The following CSMD1 variants were observed in gnomAD, a reference collection of about 807,000 sequenced individuals.
CSMD1 encodes CUB and Sushi multiple domains 1, also known as CUB and sushi domain-containing protein 1.
CSMD1 carries 213 observed loss-of-function variants against 417.5 expected under a neutral mutation model. The observed-to-expected ratio is 0.51, with a 90% confidence interval of 0.46 to 0.57. The LOEUF is 0.57. Ranked by LOEUF, CSMD1 falls within the 20% of genes least tolerant of loss-of-function variation. CSMD1 has a pLI of 0.00. For missense variants in CSMD1, 6,923 were observed against 4,529.7 expected (o/e 1.53, Z -15.17); for synonymous variants, 2,862 against 1,736.8 (o/e 1.65, Z -16.11).
chr8:4,707,505 T>C (rs1038992331), intron 1 of CSMD1, among the ~76,000 whole-genome samples: 21 of 152,102 alleles, frequency 1.4e-4, no homozygotes, highest in African/African-American at 5.1e-4. Flanking sequence ...GAAATCAGCG[T>C]AGGAGTCCGT....
At chr8:3,365,827 G>T (rs761233253) in intron 20 of CSMD1, among the ~76,000 whole-genome samples, 2 of 152,174 alleles carry the variant, frequency 1.3e-5, no homozygotes, top group East Asian at 3.9e-4. Flanking sequence ...ATAATACAAG[G>T]ATTAGGGGTG....
intron 25 of CSMD1, among the ~76,000 whole-genome samples, chr8:3,303,365 C>T (rs752739748): frequency 1.8e-4 from 28 of 152,238 alleles, no homozygotes; most frequent in Non-Finnish European, 3.5e-4. Flanking sequence ...AAAGCTGATG[C>T]CACTAGAAAG....
chr8:3,773,907 G>A (rs1334349894), intron 5 of CSMD1, among the ~76,000 whole-genome samples: 1 of 152,084 alleles, frequency 6.6e-6, no homozygotes, highest in Non-Finnish European at 1.5e-5. Flanking sequence ...AACAAACTGG[G>A]GACCTGTGAG....
At chr8:3,776,746 T>A (rs955158284) in intron 5 of CSMD1, among the ~76,000 whole-genome samples, 17 of 147,444 alleles carry the variant, frequency 1.2e-4, no homozygotes, top group African/African-American at 4.4e-4. Flanking sequence ...CAGATAAAGA[T>A]AGGCAGAAAA....
chr8:2,965,862 G>T lies in CSMD1; in HGVS notation c.9193C>A (p.Pro3065Thr), dbSNP rs1443588864. ...GTGACTGCTTCCATGACATAGCCTG[G>T]GTTACACTGATAGCTCACAGTCTTG... is the stretch of plus-strand genomic sequence containing the variant. ...FNKTVSYQCN[P>T]GYVMEAVTSA... Residue 3065 changes from proline to threonine, a missense_variant, in exon 59 of 70, where the codon CCA (proline) becomes ACA (threonine). Transcript: ENST00000635120. The T allele has an allele frequency of 6.2e-7, 1 of 1,609,880 alleles. No homozygotes were observed. The highest frequency in any genetic ancestry group is 1.3e-5 in the African/African-American group (1 of 74,956).
intron 1 of CSMD1, among the ~76,000 whole-genome samples, chr8:4,979,705 G>A (rs543944174): frequency 2.0e-3 from 298 of 152,300 alleles, no homozygotes; most frequent in Non-Finnish European, 2.5e-3. Flanking sequence ...ATATTCTGTA[G>A]TGACAAATAT....
At chr8:3,434,095 C>A (rs1477165137) in intron 12 of CSMD1, among the ~76,000 whole-genome samples, 1 of 152,212 alleles carries the variant, frequency 6.6e-6, no homozygotes, top group African/African-American at 2.4e-5. Flanking sequence ...GCATCTGATG[C>A]TTTCCAGAGT....
At chr8:4,317,978 G>A (rs968274407) in intron 3 of CSMD1, among the ~76,000 whole-genome samples, 1 of 152,108 alleles carries the variant, frequency 6.6e-6, no homozygotes, top group South Asian at 2.1e-4. Context: ...TTTTATAATA[G>A]TTATTGAATA....
intron 1 of CSMD1, among the ~76,000 whole-genome samples, chr8:4,674,809 A>C (rs550361606): frequency 4.3e-4 from 65 of 152,230 alleles, no homozygotes; most frequent in African/African-American, 1.5e-3. Context: ...TCATGTGTTA[A>C]AGTGCTAAGC....
intron 2 of CSMD1, among the ~76,000 whole-genome samples, chr8:4,576,909 T>A (rs957332108): frequency 2.0e-5 from 3 of 152,330 alleles, no homozygotes; most frequent in East Asian, 1.9e-4. Flanking sequence ...CAGGAATTAA[T>A]AGAATGATTA....
chr8:3,542,620 G>T (rs1798487711), intron 10 of CSMD1, among the ~76,000 whole-genome samples: 1 of 152,160 alleles, frequency 6.6e-6, no homozygotes, highest in East Asian at 1.9e-4. Flanking sequence ...ATTCTATGCT[G>T]TATGGAGATA....
In CSMD1 at chr8:3,230,113, T is replaced by G. The variant is rs754803884; in HGVS notation, c.4272A>C (p.Gln1424His). The G allele has an allele frequency of 1.2e-6, 2 of 1,613,846 alleles. No individual in the cohort carries two copies. Among genetic ancestry groups the G allele is most frequent in the Non-Finnish European group, 1.7e-6 (2 of 1,179,802 alleles). ...GCACACAGGTGATTTTGGCTTGTCC[T>G]TGGAGCTGATAGCCAGGGTCACACT... is the stretch of plus-strand genomic sequence containing the variant. ...TFQCDPGYQL[Q>H]GQAKITCVQL... Residue 1424 changes from glutamine to histidine, a missense_variant, in exon 27 of 70, where the codon CAA becomes CAC. By Grantham distance (24) the Gln-to-His change is conservative. Transcript: ENST00000635120.
intron 1 of CSMD1, among the ~76,000 whole-genome samples, chr8:4,657,442 C>T (rs530731920): frequency 1.5e-4 from 23 of 152,186 alleles, no homozygotes; most frequent in East Asian, 1.9e-4. Context: ...TTCTCACTCA[C>T]GCACTCTTGG....
intron 3 of CSMD1, among the ~76,000 whole-genome samples, chr8:4,365,701 G>A (rs1253511309): frequency 6.6e-6 from 1 of 152,170 alleles, no homozygotes; most frequent in Non-Finnish European, 1.5e-5. Context: ...GATCCAGCCT[G>A]AGACTTTCTG....
intron 3 of CSMD1, among the ~76,000 whole-genome samples, chr8:4,070,998 C>T (rs79855506): frequency 6.6e-6 from 1 of 152,076 alleles, no homozygotes; most frequent in African/African-American, 2.4e-5. Context: ...TGTAATGCGT[C>T]CATTTTCTGT....
intron 3 of CSMD1, among the ~76,000 whole-genome samples, chr8:4,323,589 G>A (rs1270751688): frequency 2.0e-5 from 3 of 152,134 alleles, no homozygotes; most frequent in Non-Finnish European, 4.4e-5. Context: ...TGTTTGAGTG[G>A]CTGATACCCA....
At chr8:3,023,854 C>CAAA (rs71199524) in intron 51 of CSMD1, among the ~76,000 whole-genome samples, 48 of 108,348 alleles carry the variant, frequency 4.4e-4, no homozygotes, top group African/African-American at 1.4e-3. Flanking sequence ...ACTGGGGAGT[C>CAAA]AAAAAAAAAA....
rs373619999 is a variant in CSMD1, at chr8:3,584,879, A to G, written c.1222+1257T>C. Among the ~76,000 whole-genome samples the G allele has an allele frequency of 4.7e-3, 715 of 152,320 alleles. 10 individuals carry two copies. Among genetic ancestry groups the G allele is most frequent in the African/African-American group, 0.016 (669 of 41,568 alleles). On this transcript the variant is annotated intron_variant, in intron 9 of 69. Coordinates refer to ENST00000635120, the MANE Select transcript of CSMD1 (RefSeq NM_033225.6). ...GTGCATCACCAGCCCTAGTGGGAAC[A>G]TGAATTTTAGTACAGCTCTTTGAAG...
rs143347861 is a variant in CSMD1, at chr8:3,065,956, C to T, written c.7475-13309G>A. Reference sequence around the variant, plus strand: ...CACTAAGCCAGCCAGAGTCTTTCTCCGAGCACTAAATAAACTATAAGCACA... The same window carrying T: ...CACTAAGCCAGCCAGAGTCTTTCTCTGAGCACTAAATAAACTATAAGCACA... On this transcript the variant is annotated intron_variant, in intron 49 of 69. Transcript: ENST00000635120. Among the ~76,000 whole-genome samples the T allele has an allele frequency of 9.2e-5, 14 of 152,156 alleles. No homozygotes were observed. The East Asian group carries it at 1.7e-3, about 19-fold the overall frequency.
Sources: gnomAD v4.1 joint callset for allele counts (sites outside exome capture counted in the v4.1 genomes callset) on GRCh38, gnomAD v4.1.1 for gene constraint, MANE v1.5 for transcripts, NCBI Gene and HGNC (gene_info 2026-07-23, HGNC 2026-07-21) for gene names.